The following CSMD3 variants were observed in gnomAD, a reference collection of about 807,000 sequenced individuals.
CSMD3 encodes the protein CUB and sushi domain-containing protein 3.
Under a neutral mutation model 435.2 loss-of-function variants are expected in CSMD3, and 177 were observed. The observed-to-expected ratio is 0.41, with a 90% CI of 0.36 to 0.46. CSMD3 has a LOEUF of 0.46. Ranked by LOEUF, CSMD3 falls within the 20% of genes least tolerant of loss-of-function variation. CSMD3 has a pLI of 0.34. For missense variants in CSMD3, 4,265 were observed against 4,504.6 expected (o/e 0.95, Z 1.52); for synonymous variants, 1,656 against 1,520.5 (o/e 1.09, Z -2.07).
intron 51 of CSMD3, among the ~76,000 whole-genome samples, chr8:112,305,762 C>G (rs575835397): frequency 6.6e-6 from 1 of 152,120 alleles, no homozygotes; most frequent in East Asian, 1.9e-4. Flanking sequence ...AATAAAACAT[C>G]ATTGTATAAA....
intron 2 of CSMD3, among the ~76,000 whole-genome samples, chr8:113,281,797 TC>T (rs754669810): frequency 6.6e-5 from 10 of 151,960 alleles, no homozygotes; most frequent in Non-Finnish European, 1.3e-4. Flanking sequence ...TTAAAGAGGT[TC>T]TGTTTGATGT....
At position 112,975,823 on chromosome 8, in the gene CSMD3, A is replaced by C; in HGVS notation, c.1342+14T>G. ...CTGTAACTAAATGGGCACAAGTAAA[A>C]TAACATCCAATACCTCTATGAGTAA... On this transcript the variant is annotated intron_variant, in intron 7 of 70. Coordinates refer to ENST00000297405, the MANE Select transcript of CSMD3 (RefSeq NM_198123.2). 1 of 1,612,452 alleles carries C rather than the reference A, an allele frequency of 6.2e-7. No individual in the cohort carries two copies.
Position 113,124,183 on chromosome 8 carries a change from A to G in CSMD3, c.710-25220T>C, listed in dbSNP as rs571501637. On this transcript the variant is annotated intron_variant, in intron 4 of 70. Coordinates refer to ENST00000297405, the MANE Select transcript of CSMD3 (RefSeq NM_198123.2). ...AGAGCAAATGGAGGCAAAAAGAATA[A>G]TAGAAACAGTAAAGCAAGAGTGGGG... Among the ~76,000 whole-genome samples the G allele has an allele frequency of 2.6e-5, 4 of 152,154 alleles. No individual in the cohort carries two copies. In the South Asian group the frequency reaches 8.3e-4, roughly 32 times the overall value.
intron 29 of CSMD3, among the ~76,000 whole-genome samples, chr8:112,506,132 T>C (rs1433231517): frequency 1.3e-5 from 2 of 152,134 alleles, no homozygotes; most frequent in African/African-American, 2.4e-5. Flanking sequence ...TAATTAGCAA[T>C]GTACCACTAC....
intron 4 of CSMD3, among the ~76,000 whole-genome samples, chr8:113,164,307 A>T (rs2092106155): frequency 1.3e-5 from 2 of 151,812 alleles, no homozygotes; most frequent in African/African-American, 2.4e-5. Flanking sequence ...TATAAATTAA[A>T]TATTAATAGA....
chr8:112,479,549 G>A (rs1035469089), intron 31 of CSMD3, among the ~76,000 whole-genome samples: 1 of 152,140 alleles, frequency 6.6e-6, no homozygotes, highest in Admixed American at 6.6e-5. Context: ...CCTGTACCAG[G>A]CCCATGGCCC....
chr8:113,136,306 G>A (rs184634644), intron 4 of CSMD3, among the ~76,000 whole-genome samples: 53 of 151,608 alleles, frequency 3.5e-4, no homozygotes, highest in Admixed American at 1.7e-3. Flanking sequence ...TTGAACTGTG[G>A]CTAGTATGAC....
chr8:113,399,103 A>ATATC (rs1266638775), intron 1 of CSMD3, among the ~76,000 whole-genome samples: 1 of 102,714 alleles, frequency 9.7e-6, no homozygotes. Context: ...ATATATATAT[A>ATATC]TATACACACA....
intron 19 of CSMD3, among the ~76,000 whole-genome samples, chr8:112,647,997 C>A (rs185258838): frequency 1.5e-4 from 23 of 152,284 alleles, no homozygotes; most frequent in Admixed American, 1.5e-3. Context: ...ACTACATTGT[C>A]TGGTTTGCTT....
chr8:112,503,991 G>A lies in CSMD3; in HGVS notation c.4896-14C>T, dbSNP rs541632333. ...TCTATGCTAAAACTGAAAAAAAAAA[G>A]GAAAGAACAAAAGAAAGAAAGAGAA... On this transcript the variant is annotated splice_polypyrimidine_tract_variant and intron_variant, in intron 29 of 70. Coordinates refer to ENST00000297405, the MANE Select transcript of CSMD3 (RefSeq NM_198123.2). The A allele has an allele frequency of 1.9e-5, 27 of 1,454,308 alleles. No homozygotes were observed. The East Asian group carries it at 3.9e-4, about 21-fold the overall frequency. 90.1% of individuals were successfully genotyped at this position (1,454,308 alleles called of 1,614,324 possible).
At chr8:112,526,744 G>T (rs2131047305) in intron 27 of CSMD3, among the ~76,000 whole-genome samples, 1 of 151,454 alleles carries the variant, frequency 6.6e-6, no homozygotes, top group East Asian at 1.9e-4. Flanking sequence ...TAATTTTTTT[G>T]CTTAAAGTTT....
At chr8:112,372,776 G>A (rs1345522480) in intron 38 of CSMD3, among the ~76,000 whole-genome samples, 2 of 151,800 alleles carry the variant, frequency 1.3e-5, no homozygotes, top group Non-Finnish European at 2.9e-5. Flanking sequence ...TTGACCCTGA[G>A]AGGCGGAGCT....
At chr8:112,441,954 C>T (rs1189299849) in intron 32 of CSMD3, among the ~76,000 whole-genome samples, 2 of 151,992 alleles carry the variant, frequency 1.3e-5, no homozygotes, top group Non-Finnish European at 2.9e-5. Context: ...ATTTGAGTAC[C>T]GTTTATGAAG....
rs1268052754 is a variant in CSMD3 at position 112,813,150 on chromosome 8, A to G, written c.1860-12876T>C. ...GCTGACCACAGTGAGTGATAGAGAC[A>G]TGGACCAAGAGAGAGAAAAAGCTGT... On this transcript the variant is annotated intron_variant, in intron 12 of 70. Transcript: ENST00000297405. Among the ~76,000 whole-genome samples the G allele has an allele frequency of 3.9e-5, 6 of 152,330 alleles. No homozygotes were observed. The South Asian group carries it at 1.0e-3, about 26-fold the overall frequency.
chr8:112,263,449 T>C (rs1200754302), intron 61 of CSMD3, among the ~76,000 whole-genome samples, 190 bp downstream of exon 61: 1 of 152,114 alleles, frequency 6.6e-6, no homozygotes. Flanking sequence ...ACTAAAACCG[T>C]TTAGTGTAAA....
intron 9 of CSMD3, among the ~76,000 whole-genome samples, chr8:112,928,072 A>T (rs2082971000): frequency 6.6e-6 from 1 of 152,160 alleles, no homozygotes; most frequent in South Asian, 2.1e-4. Flanking sequence ...AAATTCTATC[A>T]CTAGGAGTAC....
chr8:112,538,285 C>G (rs565257122), intron 27 of CSMD3, among the ~76,000 whole-genome samples: 1 of 152,098 alleles, frequency 6.6e-6, no homozygotes, highest in Admixed American at 6.6e-5. Flanking sequence ...AGATCTGGAA[C>G]AAGACAAGGC....
At chr8:112,591,144 G>T (rs938170681) in intron 22 of CSMD3, among the ~76,000 whole-genome samples, 4 of 152,016 alleles carry the variant, frequency 2.6e-5, no homozygotes, top group Admixed American at 1.3e-4. Flanking sequence ...TGTACACATT[G>T]TATATGATGA....
intron 3 of CSMD3, among the ~76,000 whole-genome samples, chr8:113,241,950 T>A (rs558514571): frequency 1.1e-4 from 16 of 150,310 alleles, no homozygotes; most frequent in African/African-American, 3.9e-4. Flanking sequence ...AAAATTACTA[T>A]ATATATATAT....
Sources: allele counts gnomAD v4.1 joint callset (sites outside exome capture counted in the v4.1 genomes callset), GRCh38; gene constraint gnomAD v4.1.1; transcripts MANE v1.5; gene names NCBI Gene and HGNC (gene_info 2026-07-23, HGNC 2026-07-21).